Variants in CFAP20DC observed in about 807,000 individuals in gnomAD.
The protein encoded by CFAP20DC is CFAP20 domain containing.
In CFAP20DC, 84 loss-of-function variants were observed where a neutral mutation model predicts 101.7. The ratio of observed to expected loss-of-function variants is 0.83; its 90% confidence interval spans 0.69 to 0.99. The LOEUF is 0.99. CFAP20DC is among the 50% of genes least tolerant of loss of function. The pLI, the probability that CFAP20DC is intolerant of heterozygous loss-of-function variation, is 0.00. For missense variants in CFAP20DC, 1,007 were observed against 970.3 expected (o/e 1.04, Z -0.50); for synonymous variants, 359 against 351.2 (o/e 1.02, Z -0.25).
At chr3:58,842,009 G>T (rs557674446) in intron 13 of CFAP20DC, among the ~76,000 whole-genome samples, 1 of 152,132 alleles carries the variant, frequency 6.6e-6, no homozygotes, top group African/African-American at 2.4e-5. Flanking sequence ...TTACCCAGAG[G>T]GTTGTACTTC....
At chr3:58,840,618 C>G (rs1044161371) in intron 13 of CFAP20DC, among the ~76,000 whole-genome samples, 2 of 152,174 alleles carry the variant, frequency 1.3e-5, no homozygotes, top group African/African-American at 4.8e-5. Flanking sequence ...ACCACAGAGC[C>G]ACCACCCCTG....
At chr3:58,987,264 T>C (rs1024977642) in intron 4 of CFAP20DC, among the ~76,000 whole-genome samples, 3 of 152,188 alleles carry the variant, frequency 2.0e-5, no homozygotes, top group East Asian at 3.9e-4. Flanking sequence ...GTGTTATAAA[T>C]TTAAGGGTAA....
chr3:58,776,027 C>A (rs1438661657), intron 15 of CFAP20DC, among the ~76,000 whole-genome samples: 1 of 152,154 alleles, frequency 6.6e-6, no homozygotes, highest in Non-Finnish European at 1.5e-5. Flanking sequence ...CAGGCGTGAG[C>A]CACTGTGCCC....
intron 4 of CFAP20DC, among the ~76,000 whole-genome samples, chr3:58,956,189 C>G (rs1446762807): frequency 6.6e-6 from 1 of 151,634 alleles, no homozygotes; most frequent in Non-Finnish European, 1.5e-5. Context: ...TCTTAGGTAC[C>G]AGGTTGGCTA....
At chr3:59,041,498 T>C (rs971310897) in intron 3 of CFAP20DC, among the ~76,000 whole-genome samples, 7 of 152,130 alleles carry the variant, frequency 4.6e-5, no homozygotes, top group African/African-American at 1.7e-4. Flanking sequence ...AATTCTATAG[T>C]AACATTTTTT....
chr3:59,023,592 T>C (rs2093842246), intron 4 of CFAP20DC, among the ~76,000 whole-genome samples: 1 of 151,976 alleles, frequency 6.6e-6, no homozygotes, highest in African/African-American at 2.4e-5. Flanking sequence ...GAGAGGTGCC[T>C]GAGATCAGAA....
At chr3:58,995,844 C>G (rs1386984539) in intron 4 of CFAP20DC, among the ~76,000 whole-genome samples, 1 of 152,152 alleles carries the variant, frequency 6.6e-6, no homozygotes, top group African/African-American at 2.4e-5. Context: ...ATACCATTGG[C>G]TCTTCCAGTT....
chr3:58,983,781 G>C (rs960233740), intron 4 of CFAP20DC, among the ~76,000 whole-genome samples: 2 of 152,090 alleles, frequency 1.3e-5, no homozygotes, highest in African/African-American at 4.8e-5. Context: ...GCAACCCCAT[G>C]GGATATGTCC....
rs6808900 is a variant in CFAP20DC, at chr3:58,897,844, C to A, written c.551-13135G>T. On this transcript the variant is annotated intron_variant, in intron 6 of 16. Transcript: ENST00000482387. The surrounding 1 kb of genome is among the most constrained non-coding windows in gnomAD (Gnocchi z 4.4). ...TTCATTTTGACCTTGGAGAATCTGA[C>A]GATTATGTGCCTTGGCATTGATCGT... is the stretch of plus-strand genomic sequence containing the variant. Among the ~76,000 whole-genome samples, 1 of 151,970 alleles carries A rather than the reference C, an allele frequency of 6.6e-6. No individual in the cohort carries two copies. The highest frequency in any genetic ancestry group is 2.4e-5 in the African/African-American group (1 of 41,340).
intron 15 of CFAP20DC, among the ~76,000 whole-genome samples, chr3:58,784,482 C>T (rs968371835): frequency 6.6e-6 from 1 of 151,970 alleles, no homozygotes; most frequent in Admixed American, 6.6e-5. Flanking sequence ...AATATACCCA[C>T]GTAACAAATC....
intron 15 of CFAP20DC, among the ~76,000 whole-genome samples, chr3:58,760,671 T>A (rs1482249487): frequency 6.6e-6 from 1 of 152,164 alleles, no homozygotes; most frequent in Non-Finnish European, 1.5e-5. Flanking sequence ...GGCTGTGGGA[T>A]TGTCATAAAT....
At chr3:58,853,371 C>T (rs2078437736) in intron 12 of CFAP20DC, among the ~76,000 whole-genome samples, 1 of 152,114 alleles carries the variant, frequency 6.6e-6, no homozygotes, top group African/African-American at 2.4e-5. Flanking sequence ...GAGTCCAGGA[C>T]CAGATGGACT....
chr3:58,898,542 T>TA (rs2082867221), intron 6 of CFAP20DC, among the ~76,000 whole-genome samples: 1 of 152,364 alleles, frequency 6.6e-6, no homozygotes, highest in South Asian at 2.1e-4. Flanking sequence ...TCAGTTCAGT[T>TA]ACGTTCTTCT....
chr3:58,887,830 A>T (rs1354462850), intron 6 of CFAP20DC, among the ~76,000 whole-genome samples: 1 of 152,244 alleles, frequency 6.6e-6, no homozygotes, highest in Non-Finnish European at 1.5e-5. Flanking sequence ...ATAAAAGGAG[A>T]AATGTTTTTT....
Position 58,816,723 on chromosome 3 carries a change from G to A in CFAP20DC, c.2176-10267C>T, listed in dbSNP as rs559121468. On this transcript the variant is annotated intron_variant, in intron 14 of 16. Transcript: ENST00000482387. The stretch of plus-strand genomic sequence containing the variant: ...AAGCGAGGCTGGGGGAGGGGCGCCC[G>A]CCATTGCCCAGGCTTGCTTAGGTAA... Among the ~76,000 whole-genome samples, 43 of 152,260 alleles carry A rather than the reference G, an allele frequency of 2.8e-4. 1 individual carries two copies. The South Asian group carries it at 7.3e-3, about 26-fold the overall frequency.
chr3:58,753,592 T>G, intron 16 of CFAP20DC, 177 bp downstream of exon 16: 1 of 547,346 alleles, frequency 1.8e-6, no homozygotes, highest in Non-Finnish European at 3.2e-6. Context: ...TCATCTTCTT[T>G]TTAGTTGTAA....
intron 14 of CFAP20DC, among the ~76,000 whole-genome samples, chr3:58,812,795 C>A (rs1559629445): frequency 6.6e-6 from 1 of 151,786 alleles, no homozygotes; most frequent in Non-Finnish European, 1.5e-5. Flanking sequence ...TGAGAAATCA[C>A]ATTTATCATT....
downstream of CFAP20DC, among the ~76,000 whole-genome samples, chr3:58,738,710 T>C (rs1298179032): frequency 6.6e-6 from 1 of 152,208 alleles, no homozygotes; most frequent in African/African-American, 2.4e-5. This position sits in a 1 kb window ranked among gnomAD's most constrained non-coding sequence, Gnocchi z 4.4. Context: ...TACCCAGTAA[T>C]GGGATTGCTG....
At chr3:58,867,590 G>A (rs2079802341) in intron 10 of CFAP20DC, among the ~76,000 whole-genome samples, 1 of 152,052 alleles carries the variant, frequency 6.6e-6, no homozygotes, top group Non-Finnish European at 1.5e-5. Flanking sequence ...AGTAAAAGTA[G>A]GAATTCCTTT....
Sources: allele counts gnomAD v4.1 joint callset (sites outside exome capture counted in the v4.1 genomes callset), GRCh38; gene constraint gnomAD v4.1.1; non-coding constraint Gnocchi (gnomAD v3.1); transcripts MANE v1.5; gene names NCBI Gene and HGNC (gene_info 2026-07-23, HGNC 2026-07-21).